The following LDLRAD3 variants were observed in gnomAD, a reference collection of about 807,000 sequenced individuals.
LDLRAD3 encodes low density lipoprotein receptor class A domain containing 3, also known as low-density lipoprotein receptor class A domain-containing protein 3.
LDLRAD3 carries 20 observed loss-of-function variants against 29.4 expected under a neutral mutation model. That is an observed-to-expected ratio of 0.68 (90% CI 0.48 to 0.99). The LOEUF is 0.99. LDLRAD3 is among the 50% of genes least tolerant of loss of function. The pLI is 0.00. For synonymous variants in LDLRAD3, 157 were observed against 192.7 expected (o/e 0.81, Z 1.53); for missense variants, 420 against 454.3 (o/e 0.92, Z 0.69).
At chr11:36,111,486 G>A (rs1159524557) in intron 4 of LDLRAD3, among the ~76,000 whole-genome samples, 2 of 151,944 alleles carry the variant, frequency 1.3e-5, no homozygotes, top group African/African-American at 2.4e-5. Flanking sequence ...GCTCTGTGTT[G>A]CAAATATGTC....
intron 2 of LDLRAD3, among the ~76,000 whole-genome samples, chr11:36,059,306 A>G (rs1211097841): frequency 1.3e-5 from 2 of 151,502 alleles, no homozygotes; most frequent in Admixed American, 6.6e-5. Flanking sequence ...GCAGTGAGCC[A>G]TGATTGTACC....
At chr11:36,220,116 A>G (rs1472083311) in intron 4 of LDLRAD3, among the ~76,000 whole-genome samples, 1 of 152,196 alleles carries the variant, frequency 6.6e-6, no homozygotes, top group Non-Finnish European at 1.5e-5. Context: ...CCTCAATAAG[A>G]GGTTTTAAGT....
intron 3 of LDLRAD3, among the ~76,000 whole-genome samples, chr11:36,092,474 G>C (rs1853297890): frequency 6.6e-6 from 1 of 152,078 alleles, no homozygotes; most frequent in Admixed American, 6.5e-5. Context: ...CTCACTCTAT[G>C]TTTGTATCCT....
At chr11:36,113,952 G>A (rs1195781303) in intron 4 of LDLRAD3, among the ~76,000 whole-genome samples, 2 of 152,152 alleles carry the variant, frequency 1.3e-5, no homozygotes, top group Non-Finnish European at 2.9e-5. Flanking sequence ...GGGATTACAG[G>A]TGTGAGCCAC....
chr11:36,123,773 C>G (rs546511789), intron 4 of LDLRAD3, among the ~76,000 whole-genome samples: 2 of 152,304 alleles, frequency 1.3e-5, no homozygotes, highest in African/African-American at 4.8e-5. Flanking sequence ...AGTGCCGACC[C>G]CCTGACTCTT....
chr11:36,193,818 G>A (rs1854991672), intron 4 of LDLRAD3, among the ~76,000 whole-genome samples: 1 of 152,190 alleles, frequency 6.6e-6, no homozygotes, highest in South Asian at 2.1e-4. Flanking sequence ...GCCACCGAGT[G>A]TAGTGGAAAG....
chr11:36,155,633 A>G (rs915578255), intron 4 of LDLRAD3, among the ~76,000 whole-genome samples: 1 of 152,218 alleles, frequency 6.6e-6, no homozygotes, highest in Non-Finnish European at 1.5e-5. Flanking sequence ...TTCACAGACT[A>G]GTGGTAAGGA....
chr11:36,105,238 T>TGAGA (rs35668663), intron 4 of LDLRAD3, among the ~76,000 whole-genome samples: 232 of 128,408 alleles, frequency 1.8e-3, no homozygotes, highest in African/African-American at 5.6e-3. Flanking sequence ...TGTGTGTGTG[T>TGAGA]GAGAGAGAGA....
At chr11:36,160,367 G>A (rs750422671) in intron 4 of LDLRAD3, among the ~76,000 whole-genome samples, 4 of 152,180 alleles carry the variant, frequency 2.6e-5, no homozygotes, top group East Asian at 1.9e-4. Context: ...GATAAGGCCC[G>A]TGGGAGTGAA....
At chr11:35,947,647 C>G (rs1041691412) in intron 1 of LDLRAD3, among the ~76,000 whole-genome samples, 3 of 152,190 alleles carry the variant, frequency 2.0e-5, no homozygotes, top group African/African-American at 7.2e-5. Context: ...CCCATTGAAA[C>G]TTGCCAAGGA....
In LDLRAD3 at chr11:36,153,891, C is replaced by T. The variant is rs552732271; in HGVS notation, c.454+55430C>T. On this transcript the variant is annotated intron_variant, in intron 4 of 5. Transcript: ENST00000315571. ...CATCGATAGACTAACAAGAGGTAGGCGGGCCATGGGAAAGTAGAATTTACC... is the reference window on the plus strand; with the variant it reads ...CATCGATAGACTAACAAGAGGTAGGTGGGCCATGGGAAAGTAGAATTTACC... 9.9e-5 allele frequency among the ~76,000 whole-genome samples: 15 copies of T among 152,048 alleles called. No homozygotes were observed. The South Asian group carries it at 1.0e-3, about 11-fold the overall frequency.
At chr11:36,023,731 C>G (rs1852127665) in intron 1 of LDLRAD3, among the ~76,000 whole-genome samples, 1 of 152,156 alleles carries the variant, frequency 6.6e-6, no homozygotes, top group Non-Finnish European at 1.5e-5. Context: ...TCGTCTGTTA[C>G]TGCCTTACTT....
intron 1 of LDLRAD3, among the ~76,000 whole-genome samples, chr11:35,986,524 A>G (rs140349109): frequency 2.0e-3 from 305 of 152,320 alleles, no homozygotes; most frequent in African/African-American, 6.9e-3. Flanking sequence ...ACTTCCTGGA[A>G]AGTTTAACAC....
At position 36,054,715 on chromosome 11, in the gene LDLRAD3, A is replaced by ATGGT. The variant is rs1852581188; in HGVS notation, c.193+18469_193+18470insTTGG. ...GATGAATGGGTGGATGGGTGGGTGGATGGATGGATGGATGGATGGATGGAA... is the reference window on the plus strand; with the variant it reads ...GATGAATGGGTGGATGGGTGGGTGGATGGTTGGATGGATGGATGGATGGATGGAA... On this transcript the variant is annotated intron_variant, in intron 2 of 5. Coordinates refer to ENST00000315571, the MANE Select transcript of LDLRAD3 (RefSeq NM_174902.4). Among the ~76,000 whole-genome samples the ATGGT allele has an allele frequency of 2.0e-5, 3 of 150,836 alleles. No homozygotes were observed. The South Asian group carries it at 6.3e-4, about 32-fold the overall frequency.
chr11:36,137,100 C>T (rs1329822706), intron 4 of LDLRAD3, among the ~76,000 whole-genome samples: 1 of 152,150 alleles, frequency 6.6e-6, no homozygotes, highest in East Asian at 1.9e-4. Flanking sequence ...CTGGCAGGGC[C>T]AGAATTCAGC....
chr11:36,040,379 C>T (rs1431728051), intron 2 of LDLRAD3, among the ~76,000 whole-genome samples: 2 of 151,860 alleles, frequency 1.3e-5, no homozygotes, highest in Non-Finnish European at 2.9e-5. Flanking sequence ...AGCATCTGTA[C>T]TCAGATCCAC....
At chr11:36,159,193 T>C (rs1162256096) in intron 4 of LDLRAD3, among the ~76,000 whole-genome samples, 2 of 152,080 alleles carry the variant, frequency 1.3e-5, no homozygotes, top group Non-Finnish European at 2.9e-5. Flanking sequence ...CTTGGCCGGG[T>C]GTGGTCGTTC....
intron 4 of LDLRAD3, among the ~76,000 whole-genome samples, chr11:36,187,520 G>A (rs11033483): frequency 0.42 from 64,137 of 151,988 alleles, 14,880 homozygotes; most frequent in South Asian, 0.54. Context: ...TATATCCACT[G>A]TTTGGATATA....
intron 1 of LDLRAD3, among the ~76,000 whole-genome samples, chr11:36,012,761 T>C (rs555467796): frequency 2.6e-5 from 4 of 152,310 alleles, no homozygotes; most frequent in Non-Finnish European, 5.9e-5. Context: ...CATTAATATT[T>C]TCAGAAGTCC....
Sources: gnomAD v4.1 joint callset for allele counts (sites outside exome capture counted in the v4.1 genomes callset) on GRCh38, gnomAD v4.1.1 for gene constraint, MANE v1.5 for transcripts, NCBI Gene and HGNC (gene_info 2026-07-23, HGNC 2026-07-21) for gene names.